Variants in CNTN4 observed in about 807,000 individuals in gnomAD.
CNTN4 encodes the protein contactin 4.
CNTN4 carries 77 observed loss-of-function variants against 122.5 expected under a neutral mutation model. That is an observed-to-expected ratio of 0.63 (90% confidence interval 0.52 to 0.76). The LOEUF (loss-of-function observed/expected upper bound fraction) is 0.76. CNTN4 is among the 30% of genes least tolerant of loss of function. The pLI is 0.00. For synonymous variants in CNTN4, 512 were observed against 447.0 expected (o/e 1.15, Z -1.83); for missense variants, 1,256 against 1,259.1 (o/e 1.00, Z 0.04).
At chr3:2,379,686 A>G (rs1228428719) in intron 3 of CNTN4, among the ~76,000 whole-genome samples, 1 of 152,168 alleles carries the variant, frequency 6.6e-6, no homozygotes, top group Non-Finnish European at 1.5e-5. Context: ...TTTTCAGGCT[A>G]TTTGATCTTG....
chr3:2,576,339 A>G (rs919007661), intron 4 of CNTN4, among the ~76,000 whole-genome samples: 8 of 152,274 alleles, frequency 5.3e-5, no homozygotes, highest in African/African-American at 1.7e-4. Flanking sequence ...CTCCAGTTTC[A>G]AGCTGTGCTA....
chr3:2,216,598 A>T (rs1299439414), intron 2 of CNTN4, among the ~76,000 whole-genome samples: 1 of 152,204 alleles, frequency 6.6e-6, no homozygotes, highest in African/African-American at 2.4e-5. Context: ...GAGTAATTAC[A>T]TGAGCATGTT....
At chr3:2,642,392 C>A (rs1015461187) in intron 4 of CNTN4, among the ~76,000 whole-genome samples, 2 of 152,134 alleles carry the variant, frequency 1.3e-5, no homozygotes, top group African/African-American at 4.8e-5. Context: ...TGTTAATCTC[C>A]TTTGGCAACA....
chr3:2,779,306 G>C (rs1290363127), intron 6 of CNTN4, among the ~76,000 whole-genome samples: 2 of 151,938 alleles, frequency 1.3e-5, no homozygotes, highest in Non-Finnish European at 2.9e-5. Flanking sequence ...TCACTCTGTC[G>C]CCCAGGCTTG....
intron 10 of CNTN4, among the ~76,000 whole-genome samples, chr3:2,891,292 A>T (rs2094037106): frequency 6.6e-6 from 1 of 152,020 alleles, no homozygotes; most frequent in Non-Finnish European, 1.5e-5. Context: ...TAAAATATAA[A>T]AATTAGCTGG....
At chr3:2,789,186 T>G (rs926694102) in intron 6 of CNTN4, among the ~76,000 whole-genome samples, 13 of 152,186 alleles carry the variant, frequency 8.5e-5, no homozygotes, top group African/African-American at 3.1e-4. Flanking sequence ...AGAACCAGAT[T>G]GTGGAGGTTG....
intron 9 of CNTN4, among the ~76,000 whole-genome samples, chr3:2,886,678 A>AT (rs1222543162): frequency 1.3e-5 from 2 of 151,328 alleles, no homozygotes; most frequent in East Asian, 2.0e-4. Flanking sequence ...TGCCCGGGTA[A>AT]TTTTTTTGTA....
At chr3:2,129,404 G>C (rs1236199595) in intron 2 of CNTN4, among the ~76,000 whole-genome samples, 1 of 151,998 alleles carries the variant, frequency 6.6e-6, no homozygotes, top group Non-Finnish European at 1.5e-5. Context: ...GCATGGTGCA[G>C]GGATAGATAA....
intron 3 of CNTN4, among the ~76,000 whole-genome samples, chr3:2,567,262 A>G (rs2079210106): frequency 6.6e-6 from 1 of 151,578 alleles, no homozygotes; most frequent in Non-Finnish European, 1.5e-5. Flanking sequence ...AATTTTTTCT[A>G]TTTTTAGTAG....
At chr3:2,791,897 C>G (rs1203103398) in intron 6 of CNTN4, among the ~76,000 whole-genome samples, 1 of 152,096 alleles carries the variant, frequency 6.6e-6, no homozygotes, top group African/African-American at 2.4e-5. Context: ...TCTAATCTCC[C>G]TCTGCCTCAC....
intron 4 of CNTN4, among the ~76,000 whole-genome samples, chr3:2,591,909 G>C: frequency 6.6e-6 from 1 of 151,966 alleles, no homozygotes; most frequent in Non-Finnish European, 1.5e-5. Context: ...GCAGGGTCTC[G>C]TTCTGTGAGA....
chr3:2,384,555 T>C (rs1018611313), intron 3 of CNTN4, among the ~76,000 whole-genome samples: 11 of 152,238 alleles, frequency 7.2e-5, no homozygotes, highest in African/African-American at 2.7e-4. Context: ...ATCATGAGTT[T>C]GTCAAAAACA....
chr3:2,932,606 G>GCAAGT (rs1469867005), intron 13 of CNTN4, among the ~76,000 whole-genome samples: 10 of 152,044 alleles, frequency 6.6e-5, no homozygotes, highest in South Asian at 2.1e-4. Flanking sequence ...AGTGAGGGAG[G>GCAAGT]CAAGTCTTAA....
intron 2 of CNTN4, among the ~76,000 whole-genome samples, chr3:2,199,251 C>G (rs903193419): frequency 1.1e-4 from 16 of 152,172 alleles, no homozygotes; most frequent in African/African-American, 3.6e-4. Context: ...TTCTGTGACT[C>G]CACCCTCTAC....
chr3:2,668,472 T>A (rs1258009768), intron 4 of CNTN4, among the ~76,000 whole-genome samples: 1 of 152,238 alleles, frequency 6.6e-6, no homozygotes, highest in Non-Finnish European at 1.5e-5. Flanking sequence ...AAGTTGCTTA[T>A]CAACTTAAGG....
intron 3 of CNTN4, among the ~76,000 whole-genome samples, chr3:2,419,413 T>C (rs1207387088): frequency 6.6e-6 from 1 of 152,158 alleles, no homozygotes; most frequent in Non-Finnish European, 1.5e-5. Flanking sequence ...GAGATTCTCA[T>C]GTGTTCAGGA....
chr3:2,954,259 A>G (rs2094776121), intron 13 of CNTN4, among the ~76,000 whole-genome samples: 1 of 152,130 alleles, frequency 6.6e-6, no homozygotes, highest in Non-Finnish European at 1.5e-5. Flanking sequence ...GAAAGAGGAA[A>G]CTTCACCAAA....
chr3:2,104,778 C>A (rs73011379), intron 2 of CNTN4, among the ~76,000 whole-genome samples: 3,525 of 152,234 alleles, frequency 0.023, 70 homozygotes, highest in Non-Finnish European at 0.033. Context: ...AATAACTAGC[C>A]AGTCTTTGTC....
At chr3:2,587,213 C>T (rs1308754416) in intron 4 of CNTN4, among the ~76,000 whole-genome samples, 1 of 152,002 alleles carries the variant, frequency 6.6e-6, no homozygotes, top group Admixed American at 6.6e-5. Flanking sequence ...TATGACACAC[C>T]ACTCTCAGGG....
Sources: allele counts gnomAD v4.1 joint callset (sites outside exome capture counted in the v4.1 genomes callset), GRCh38; gene constraint gnomAD v4.1.1; transcripts MANE v1.5; gene names NCBI Gene and HGNC (gene_info 2026-07-23, HGNC 2026-07-21).